The following ZNF385D variants were observed in gnomAD, a reference collection of about 807,000 sequenced individuals.
The protein encoded by ZNF385D is zinc finger protein 659.
In ZNF385D, 15 loss-of-function variants were observed where a neutral mutation model predicts 35.8. The ratio of observed to expected loss-of-function variants is 0.42; its 90% confidence interval spans 0.28 to 0.64. The LOEUF (loss-of-function observed/expected upper bound fraction) is 0.64, where lower values mean the gene tolerates loss of function less well. ZNF385D is among the 30% of genes least tolerant of loss of function. ZNF385D has a pLI of 0.23. For missense variants in ZNF385D, 474 were observed against 494.6 expected (o/e 0.96, Z 0.39); for synonymous variants, 212 against 186.8 (o/e 1.13, Z -1.10).
chr3:22,260,609 A>G (rs1038345062), intron 2 of ZNF385D, among the ~76,000 whole-genome samples: 1 of 152,002 alleles, frequency 6.6e-6, no homozygotes, highest in Non-Finnish European at 1.5e-5. Flanking sequence ...TTTGATAGGT[A>G]TTTTAGAATT....
At chr3:21,852,129 G>A (rs904196157) in intron 3 of ZNF385D, among the ~76,000 whole-genome samples, 1 of 151,954 alleles carries the variant, frequency 6.6e-6, no homozygotes, top group African/African-American at 2.4e-5. Context: ...ATGCCAAATA[G>A]TTTTTATGAG....
At chr3:22,201,771 C>G (rs1559448682) in intron 2 of ZNF385D, among the ~76,000 whole-genome samples, 1 of 151,538 alleles carries the variant, frequency 6.6e-6, no homozygotes, top group Non-Finnish European at 1.5e-5. Context: ...CACACATTCA[C>G]TATAAAATTA....
chr3:22,215,824 A>C (rs748597303), intron 2 of ZNF385D, among the ~76,000 whole-genome samples: 3 of 151,966 alleles, frequency 2.0e-5, no homozygotes, highest in Non-Finnish European at 2.9e-5. Context: ...GGCATCACGG[A>C]ACCTGCCGAC....
intron 2 of ZNF385D, among the ~76,000 whole-genome samples, chr3:21,639,109 T>C (rs2065528756): frequency 6.6e-6 from 1 of 152,096 alleles, no homozygotes; most frequent in Non-Finnish European, 1.5e-5. Flanking sequence ...AGCAACCAAT[T>C]ATAATTTTTC....
intron 3 of ZNF385D, among the ~76,000 whole-genome samples, chr3:22,074,785 A>G (rs904318657): frequency 6.6e-6 from 1 of 151,838 alleles, no homozygotes; most frequent in African/African-American, 2.4e-5. Flanking sequence ...TTCCCTTCTC[A>G]TGATAATAGA....
chr3:21,736,325 C>T (rs2069240786), intron 1 of ZNF385D, among the ~76,000 whole-genome samples: 5 of 152,024 alleles, frequency 3.3e-5, no homozygotes, highest in Admixed American at 3.3e-4. Context: ...ATAGATACTC[C>T]AGTTTATTTC....
chr3:21,970,087 C>T (rs1322378251), intron 3 of ZNF385D, among the ~76,000 whole-genome samples: 3 of 152,118 alleles, frequency 2.0e-5, no homozygotes, highest in African/African-American at 4.8e-5. Context: ...CTTGGAAATG[C>T]TTCCCAAGAA....
chr3:21,763,893 T>C (rs550843554), intron 3 of ZNF385D, among the ~76,000 whole-genome samples: 2 of 152,164 alleles, frequency 1.3e-5, no homozygotes, highest in Non-Finnish European at 1.5e-5. Context: ...CATATAGTCA[T>C]TGAACATCCA....
At chr3:22,133,520 G>A (rs956569947) in intron 3 of ZNF385D, 1 of 151,968 alleles carries the variant, frequency 6.6e-6, no homozygotes, top group African/African-American at 2.4e-5. Flanking sequence ...AAATAAGAAT[G>A]ATTAAATTTC....
intron 3 of ZNF385D, among the ~76,000 whole-genome samples, chr3:21,945,010 C>T (rs749351996): frequency 5.6e-4 from 85 of 151,816 alleles, no homozygotes; most frequent in Non-Finnish European, 9.1e-4. Context: ...TTCTTATTTT[C>T]GATTTACACA....
intron 3 of ZNF385D, among the ~76,000 whole-genome samples, chr3:21,986,416 T>C (rs1694806932): frequency 9.1e-6 from 1 of 110,482 alleles, no homozygotes; most frequent in Non-Finnish European, 1.7e-5. Context: ...TGCCTTCATT[T>C]TGTTATGTAC....
intron 3 of ZNF385D, among the ~76,000 whole-genome samples, chr3:21,893,781 C>T (rs1427844178): frequency 6.6e-6 from 1 of 152,198 alleles, no homozygotes; most frequent in African/African-American, 2.4e-5. Context: ...AGATATTCCA[C>T]ATTTTATCAA....
intron 3 of ZNF385D, among the ~76,000 whole-genome samples, chr3:21,789,173 G>T (rs1212587522): frequency 2.0e-5 from 3 of 152,146 alleles, no homozygotes; most frequent in African/African-American, 7.2e-5. Context: ...GCATAATAAA[G>T]AAAACATAAA....
At chr3:22,059,197 C>A (rs1285816512) in intron 3 of ZNF385D, among the ~76,000 whole-genome samples, 1 of 152,034 alleles carries the variant, frequency 6.6e-6, no homozygotes, top group Non-Finnish European at 1.5e-5. Flanking sequence ...CTGGTCAGGA[C>A]TGAGCATTAA....
intron 3 of ZNF385D, among the ~76,000 whole-genome samples, chr3:21,891,286 C>G (rs1698850498): frequency 6.6e-6 from 1 of 151,996 alleles, no homozygotes; most frequent in Admixed American, 6.6e-5. Context: ...ATAGAATGAA[C>G]AAGGAGCTAT....
intron 3 of ZNF385D, among the ~76,000 whole-genome samples, chr3:21,793,681 C>G (rs1294351585): frequency 2.0e-5 from 3 of 152,172 alleles, no homozygotes; most frequent in Non-Finnish European, 4.4e-5. Flanking sequence ...GGGAGCAAAA[C>G]AAACATTAGA....
chr3:21,430,397 C>G (rs1033959325), intron 5 of ZNF385D, among the ~76,000 whole-genome samples: 6 of 151,984 alleles, frequency 3.9e-5, no homozygotes, highest in African/African-American at 7.2e-5. Context: ...ATGCTTTTTT[C>G]AGAAATGGTC....
At chr3:22,267,478 G>A (rs959002672) in intron 2 of ZNF385D, among the ~76,000 whole-genome samples, 1 of 151,488 alleles carries the variant, frequency 6.6e-6, no homozygotes, top group Non-Finnish European at 1.5e-5. Context: ...TTATTATTTT[G>A]AAACAGTTTG....
chr3:21,455,527 A>T (rs1702746786), intron 4 of ZNF385D, among the ~76,000 whole-genome samples: 1 of 152,240 alleles, frequency 6.6e-6, no homozygotes, highest in African/African-American at 2.4e-5. Flanking sequence ...AAAACTGGCT[A>T]GCCATATGTA....
Sources: gnomAD v4.1 joint callset for allele counts (sites outside exome capture counted in the v4.1 genomes callset) on GRCh38, gnomAD v4.1.1 for gene constraint, MANE v1.5 for transcripts, NCBI Gene and HGNC (gene_info 2026-07-23, HGNC 2026-07-21) for gene names.